The following RPS6KA2 variants were observed in gnomAD, a reference collection of about 807,000 sequenced individuals.
RPS6KA2 encodes ribosomal protein S6 kinase alpha-2.
Under a neutral mutation model 91.8 loss-of-function variants are expected in RPS6KA2, and 42 were observed. The ratio of observed to expected loss-of-function variants is 0.46; its 90% confidence interval spans 0.36 to 0.59. The LOEUF (loss-of-function observed/expected upper bound fraction) is 0.59. Among genes scored for constraint, RPS6KA2 ranks in the 20% least tolerant of loss-of-function variants. RPS6KA2 has a pLI of 0.00. For synonymous variants in RPS6KA2, 414 were observed against 393.6 expected (o/e 1.05, Z -0.61); for missense variants, 798 against 978.5 (o/e 0.82, Z 2.46).
rs976328076 is a variant in RPS6KA2, at chr6:166,538,062, T to G, written c.216+606A>C. 4.5e-4 allele frequency among the ~76,000 whole-genome samples: 69 copies of G among 152,244 alleles called. 2 individuals carry two copies. Among genetic ancestry groups the G allele is most frequent in the Non-Finnish European group, 1.3e-4 (9 of 68,042 alleles). On this transcript the variant is annotated intron_variant, in intron 2 of 20. Transcript: ENST00000265678. ...GTGACAAAAAAGGGAAATGAACAAT[T>G]CCACTGCACAAATACATCTTAGGCA...
intron 1 of RPS6KA2, among the ~76,000 whole-genome samples, chr6:166,579,220 T>G (rs151319682): frequency 1.3e-5 from 2 of 152,334 alleles, no homozygotes; most frequent in African/African-American, 4.8e-5. Flanking sequence ...ATTTTCTGCA[T>G]TCAGCTTTTT....
At chr6:166,826,799 T>A (rs1320737285) in intron 2 of RPS6KA2, among the ~76,000 whole-genome samples, 1 of 152,204 alleles carries the variant, frequency 6.6e-6, no homozygotes, top group Non-Finnish European at 1.5e-5. Context: ...TCTACTGGAT[T>A]ATTGAGGGTA....
intron 12 of RPS6KA2, among the ~76,000 whole-genome samples, chr6:166,453,224 C>T (rs1248856776): frequency 2.7e-5 from 4 of 146,958 alleles, no homozygotes. Context: ...CACACACACA[C>T]ACACACAAAA....
At chr6:166,618,317 C>T (rs189395140) in intron 1 of RPS6KA2, among the ~76,000 whole-genome samples, 40 of 152,330 alleles carry the variant, frequency 2.6e-4, no homozygotes, top group Middle Eastern at 3.4e-3. Flanking sequence ...CTTCTCTTCC[C>T]GAATCCTGTC....
chr6:166,454,518 A>G (rs1299943088), intron 12 of RPS6KA2, among the ~76,000 whole-genome samples: 1 of 152,170 alleles, frequency 6.6e-6, no homozygotes, highest in Admixed American at 6.5e-5. Context: ...AAACAAAAAA[A>G]CAAGCAAACG....
intron 2 of RPS6KA2, among the ~76,000 whole-genome samples, chr6:166,667,936 G>C (rs1788363586): frequency 6.6e-6 from 1 of 152,220 alleles, no homozygotes; most frequent in Admixed American, 6.5e-5. Context: ...CTGCGTCGTT[G>C]GTAGAAAGTA....
At chr6:166,497,499 G>A (rs1781831752) in intron 8 of RPS6KA2, among the ~76,000 whole-genome samples, 1 of 152,240 alleles carries the variant, frequency 6.6e-6, no homozygotes, top group East Asian at 1.9e-4. Context: ...TCTGCCCCTC[G>A]CGGAGAGGTG....
intron 8 of RPS6KA2, among the ~76,000 whole-genome samples, chr6:166,496,459 G>A (rs908276292): frequency 6.6e-6 from 1 of 152,086 alleles, no homozygotes; most frequent in East Asian, 1.9e-4. Context: ...AGAAGAAACA[G>A]AAGACTATCA....
Position 166,420,135 on chromosome 6 carries a change from G to A in RPS6KA2, c.1744-177C>T, listed in dbSNP as rs113791902. On this transcript the variant is annotated intron_variant, in intron 17 of 20. Coordinates refer to ENST00000265678, the MANE Select transcript of RPS6KA2 (RefSeq NM_021135.6). Reference sequence around the variant, plus strand: ...AGCCAACCCTAAGGTACTGCAGTGGGACTCCTCCCAGGCCAGCCACATGGT... The same window carrying A: ...AGCCAACCCTAAGGTACTGCAGTGGAACTCCTCCCAGGCCAGCCACATGGT... Among the ~76,000 whole-genome samples the A allele has an allele frequency of 8.2e-3, 1,243 of 152,262 alleles. 16 individuals are homozygous for A. Among genetic ancestry groups the A allele is most frequent in the African/African-American group, 0.028 (1,180 of 41,498 alleles).
chr6:166,643,247 TA>T (rs1206653763), intron 2 of RPS6KA2, among the ~76,000 whole-genome samples: 1 of 152,018 alleles, frequency 6.6e-6, no homozygotes, highest in Non-Finnish European at 1.5e-5. Flanking sequence ...TCAAAATATG[TA>T]AAAAAATAAA....
chr6:166,806,538 A>G (rs141459676), intron 2 of RPS6KA2, among the ~76,000 whole-genome samples: 9 of 152,338 alleles, frequency 5.9e-5, no homozygotes, highest in Non-Finnish European at 1.0e-4. Flanking sequence ...GCAAAACTGT[A>G]CTTTAAAACT....
chr6:166,660,373 TGTGC>T (rs1788129278), intron 2 of RPS6KA2, among the ~76,000 whole-genome samples: 4 of 150,690 alleles, frequency 2.7e-5, no homozygotes, highest in East Asian at 3.9e-4. Context: ...TGTGCATGTG[TGTGC>T]ATGTGTATGG....
intron 2 of RPS6KA2, among the ~76,000 whole-genome samples, chr6:166,714,106 C>G (rs551929449): frequency 1.1e-4 from 17 of 152,346 alleles, no homozygotes; most frequent in African/African-American, 4.1e-4. Flanking sequence ...ATGAATTATT[C>G]CTTCCTGTGA....
At chr6:166,443,518 C>A (rs1031309641) in intron 14 of RPS6KA2, among the ~76,000 whole-genome samples, 13 of 152,214 alleles carry the variant, frequency 8.5e-5, no homozygotes, top group Admixed American at 7.9e-4. Flanking sequence ...GAGAGACAGA[C>A]TCCTCACATG....
Position 166,490,712 on chromosome 6 carries a change from G to T in RPS6KA2, c.777C>A (p.Phe259Leu). The T allele has an allele frequency of 6.2e-7, 1 of 1,612,922 alleles. No individual in the cohort carries two copies. Among genetic ancestry groups the T allele is most frequent in the Non-Finnish European group, 8.5e-7 (1 of 1,179,436 alleles). Reference sequence around the variant, plus strand: ...TGGTCTCCTTCCTGTCCTTCCCCTGGAACGGCAGGGACCCCGTGAGCATCT... The same window carrying T: ...TGGTCTCCTTCCTGTCCTTCCCCTGTAACGGCAGGGACCCCGTGAGCATCT... ...MFEMLTGSLPFQGKDRKETMA... is the reference protein window; with the variant it reads ...MFEMLTGSLPLQGKDRKETMA... The change falls in exon 9 of 21, where the codon TTC becomes TTA. Residue 259 changes from phenylalanine to leucine, a missense_variant. Phe to Leu is a conservative substitution (Grantham distance 22). Transcript: ENST00000265678. The surrounding 1 kb of genome is among the most constrained non-coding windows in gnomAD (Gnocchi z 4.2).
chr6:166,578,081 C>T (rs1784894215), intron 1 of RPS6KA2, among the ~76,000 whole-genome samples: 1 of 152,200 alleles, frequency 6.6e-6, no homozygotes. Context: ...TCTGAGGCCT[C>T]CCCAGCCATG....
At chr6:166,791,234 A>C (rs1053630631) in intron 2 of RPS6KA2, among the ~76,000 whole-genome samples, 1 of 152,214 alleles carries the variant, frequency 6.6e-6, no homozygotes, top group Non-Finnish European at 1.5e-5. Context: ...GATAAAACAG[A>C]CTTTAAACCA....
At chr6:166,771,072 T>C (rs1007698888) in intron 2 of RPS6KA2, among the ~76,000 whole-genome samples, 8 of 152,092 alleles carry the variant, frequency 5.3e-5, no homozygotes, top group Admixed American at 5.2e-4. Flanking sequence ...ATTGGAGGAG[T>C]TTCTTTCGCG....
At chr6:166,709,834 T>C (rs554532695) in intron 2 of RPS6KA2, among the ~76,000 whole-genome samples, 1 of 152,318 alleles carries the variant, frequency 6.6e-6, no homozygotes, top group African/African-American at 2.4e-5. Flanking sequence ...CTTCAGTCTC[T>C]GTGTCTGAAG....
Sources: allele counts gnomAD v4.1 joint callset (sites outside exome capture counted in the v4.1 genomes callset), GRCh38; gene constraint gnomAD v4.1.1; non-coding constraint Gnocchi (gnomAD v3.1); transcripts MANE v1.5; gene names NCBI Gene and HGNC (gene_info 2026-07-23, HGNC 2026-07-21).